The following MANSC1 variants were observed in gnomAD, a reference collection of about 807,000 sequenced individuals.
MANSC1 encodes MANSC domain containing 1.
MANSC1 carries 13 observed loss-of-function variants against 14.1 expected under a neutral mutation model. That is an observed-to-expected ratio of 0.92 (90% CI 0.60 to 1.46). The LOEUF (loss-of-function observed/expected upper bound fraction) is 1.46, where lower values mean the gene tolerates loss of function less well. Ranked by LOEUF, MANSC1 falls within the 40% of genes most tolerant of loss-of-function variation. The pLI is 0.00. For synonymous variants in MANSC1, 227 were observed against 200.7 expected (o/e 1.13, Z -1.11); for missense variants, 486 against 511.4 (o/e 0.95, Z 0.48).
chr12:12,341,069 T>C (rs768992214), intron 2 of MANSC1, among the ~76,000 whole-genome samples: 31 of 152,098 alleles, frequency 2.0e-4, no homozygotes, highest in Admixed American at 9.2e-4. Context: ...ATTCCATGGA[T>C]TATGGGCTCG....
intron 1 of MANSC1, among the ~76,000 whole-genome samples, chr12:12,344,709 C>A (rs530579313): frequency 6.7e-6 from 1 of 149,558 alleles, no homozygotes; most frequent in Non-Finnish European, 1.5e-5. Context: ...GACCATGATC[C>A]GCCTGCCTCG....
At chr12:12,336,833 T>C (rs1368339673) in intron 3 of MANSC1, among the ~76,000 whole-genome samples, 2 of 152,218 alleles carry the variant, frequency 1.3e-5, no homozygotes, top group Non-Finnish European at 2.9e-5. Context: ...ACCTTGTTTT[T>C]CATGTTTAGT....
rs869141097 is a variant in MANSC1, at chr12:12,342,576, G to GT, written c.223+515dup. ...AAGCTGTAGTTACCTAGTAGTCAGT[G>GT]TTTTTTTGTTTTTTTTTTTTTTTTT... is the stretch of plus-strand genomic sequence containing the variant. On this transcript the variant is annotated intron_variant, in intron 2 of 3. Coordinates refer to ENST00000535902, the MANE Select transcript of MANSC1 (RefSeq NM_018050.4). Among the ~76,000 whole-genome samples, 208 of 103,958 alleles carry GT rather than the reference G, an allele frequency of 2.0e-3. 16 individuals are homozygous for GT. The highest frequency in any genetic ancestry group is 5.4e-3 in the African/African-American group (152 of 27,994). The allele number at this position is 103,958 out of a possible 152,430, so 68.2% of individuals were successfully genotyped here.
At chr12:12,338,867 G>A in intron 2 of MANSC1, 2 of 325,230 alleles carry the variant, frequency 6.1e-6, no homozygotes, top group South Asian at 2.7e-5. Context: ...GGGCTGAAAG[G>A]CATCCACAAC....
chr12:12,349,397 T>C (rs893837770), intron 1 of MANSC1, among the ~76,000 whole-genome samples: 1 of 152,192 alleles, frequency 6.6e-6, no homozygotes, highest in Admixed American at 6.5e-5. Flanking sequence ...GCAGGAGTTG[T>C]TTTCAGTATG....
chr12:12,335,626 A>C (rs1366142136), intron 3 of MANSC1, among the ~76,000 whole-genome samples: 2 of 150,350 alleles, frequency 1.3e-5, no homozygotes, highest in Admixed American at 1.3e-4. Context: ...TACATGAGTC[A>C]GGAGGTCAGG....
chr12:12,341,234 A>G (rs1176378483), intron 2 of MANSC1, among the ~76,000 whole-genome samples: 1 of 152,170 alleles, frequency 6.6e-6, no homozygotes, highest in Non-Finnish European at 1.5e-5. Flanking sequence ...TAATAGAACT[A>G]AGGAAAATGC....
Position 12,330,758 on chromosome 12 carries a change from C to G in MANSC1, c.565G>C (p.Asp189His), listed in dbSNP as rs1175909151. ...GCAAGGAGCTGGGCACTTGCTTCAT[C>G]CATCTTAAATAGTTTCTCCAAGTGA... is the stretch of plus-strand genomic sequence containing the variant. ...SDHLEKLFKM[D>H]EASAQLLAYK... The change falls in exon 4 of 4, where the codon GAT (aspartate) becomes CAT (histidine). Residue 189 changes from aspartate to histidine, a missense_variant. Coordinates refer to ENST00000535902, the MANE Select transcript of MANSC1 (RefSeq NM_018050.4). 1 of 1,614,124 alleles carries G rather than the reference C, an allele frequency of 6.2e-7. No individual in the cohort carries two copies. Among genetic ancestry groups the G allele is most frequent in the Admixed American group, 1.7e-5 (1 of 60,002 alleles).
intron 2 of MANSC1, among the ~76,000 whole-genome samples, chr12:12,341,017 T>C (rs953704925): frequency 6.6e-6 from 1 of 152,128 alleles, no homozygotes; most frequent in African/African-American, 2.4e-5. Flanking sequence ...TATCCTACTA[T>C]TGAGTTCAAT....
intron 1 of MANSC1, among the ~76,000 whole-genome samples, chr12:12,344,346 A>G (rs980580284): frequency 6.6e-6 from 1 of 152,112 alleles, no homozygotes; most frequent in African/African-American, 2.4e-5. Context: ...CATTTGAGTC[A>G]GTGGGCTGGG....
chr12:12,348,012 G>A (rs956180347), intron 1 of MANSC1, among the ~76,000 whole-genome samples: 1 of 151,796 alleles, frequency 6.6e-6, no homozygotes, highest in Non-Finnish European at 1.5e-5. Context: ...GCAGTGAGCC[G>A]AGATCATGCC....
rs1011428273 is a variant in MANSC1, at chr12:12,327,897, G to A, written c.*2130C>T. The stretch of plus-strand genomic sequence containing the variant: ...CCAGAAGAGCAGAGGGGAAGGAGGT[G>A]AGGAGGAAGGAAGAGGTGAGGAGGA... On this transcript the variant is annotated 3_prime_UTR_variant, in exon 4 of 4. Transcript: ENST00000535902. The A allele has an allele frequency of 1.3e-5, 2 of 152,300 alleles. No homozygotes were observed. The highest frequency in any genetic ancestry group is 4.8e-5 in the African/African-American group (2 of 41,428). The allele number at this position is 152,300 out of a possible 1,614,324, so 9.4% of individuals were successfully genotyped here. A position where few individuals can be genotyped will look rare whatever the true frequency, so the allele number is the denominator to read the frequency against.
At chr12:12,331,656 T>A (rs56182036) in intron 3 of MANSC1, among the ~76,000 whole-genome samples, 52,811 of 151,786 alleles carry the variant, frequency 0.35, 9,399 homozygotes, top group African/African-American at 0.41. Context: ...CTGTGGGAAA[T>A]GAGGCAATAG....
At chr12:12,338,890 A>ACACACACACACACACACAC (rs1555141160) in intron 2 of MANSC1, 11 of 192,922 alleles carry the variant, frequency 5.7e-5, no homozygotes, top group South Asian at 8.3e-5. Context: ...CACACACACA[A>ACACACACACACACACACAC]ACACACACAC....
At chr12:12,338,797 G>A in intron 2 of MANSC1, 2 of 557,868 alleles carry the variant, frequency 3.6e-6, no homozygotes. Context: ...GGCGAAGAAG[G>A]AAGCTCCTGT....
intron 2 of MANSC1, among the ~76,000 whole-genome samples, chr12:12,340,371 G>T (rs554332602): frequency 1.2e-4 from 18 of 152,322 alleles, no homozygotes; most frequent in Non-Finnish European, 2.2e-4. Context: ...GGAAGATTTA[G>T]TTAGCCTCTG....
Position 12,343,114 on chromosome 12 carries a change from G to A in MANSC1, c.201C>T (p.Cys67=). ...TACCTGATATGTTTTTTGTTGAACA[G>A]CAAGAATTAATGCAGTCTTCTTGAG... ...TSTQEDCINS[C]CSTKNISGDK... Residue 67 remains cysteine, a synonymous_variant, in exon 2 of 4, where the codon TGC becomes TGT. Transcript: ENST00000535902. The A allele has an allele frequency of 1.2e-6, 2 of 1,612,872 alleles. No individual in the cohort carries two copies. The highest frequency in any genetic ancestry group is 1.7e-6 in the Non-Finnish European group (2 of 1,178,938).
At chr12:12,339,219 A>G (rs1862902570) in intron 2 of MANSC1, 1 of 156,702 alleles carries the variant, frequency 6.4e-6, no homozygotes, top group Non-Finnish European at 1.4e-5. Context: ...CCCTGCCCAC[A>G]ATGCTTTGCA....
At chr12:12,338,725 G>T in intron 2 of MANSC1, 165 bp from the exon 3 acceptor site, 2 of 655,266 alleles carry the variant, frequency 3.1e-6, no homozygotes, top group South Asian at 2.1e-5. Flanking sequence ...TAGCTTAGTT[G>T]CTTAAGGCAA....
Sources: allele counts gnomAD v4.1 joint callset (sites outside exome capture counted in the v4.1 genomes callset), GRCh38; gene constraint gnomAD v4.1.1; transcripts MANE v1.5; gene names NCBI Gene and HGNC (gene_info 2026-07-23, HGNC 2026-07-21).